NLGN1: variants seen among roughly 807,000 people sequenced by gnomAD.
NLGN1 encodes neuroligin 1.
A neutral mutation model predicts 65.5 loss-of-function variants in NLGN1; 12 were observed. The observed-to-expected ratio is 0.18, with a 90% CI of 0.12 to 0.30. NLGN1 has a LOEUF of 0.30. Ranked by LOEUF, NLGN1 falls within the 10% of genes least tolerant of loss-of-function variation. The pLI, the probability that NLGN1 is intolerant of heterozygous loss-of-function variation, is 1.00. For missense variants in NLGN1, 750 were observed against 1,007.1 expected (o/e 0.74, Z 3.46); for synonymous variants, 350 against 359.5 (o/e 0.97, Z 0.30).
chr3:174,230,974 A>G (rs1740598005), intron 4 of NLGN1, among the ~76,000 whole-genome samples: 1 of 152,136 alleles, frequency 6.6e-6, no homozygotes, highest in African/African-American at 2.4e-5. Flanking sequence ...AAGGCAGTCT[A>G]GTCCTCAGGC....
chr3:173,790,516 T>G (rs563987102), intron 3 of NLGN1, among the ~76,000 whole-genome samples: 1 of 152,286 alleles, frequency 6.6e-6, no homozygotes, highest in Non-Finnish European at 1.5e-5. Flanking sequence ...TACGAAAATT[T>G]TATTATGCAA....
chr3:173,582,643 T>C (rs1309408597), intron 2 of NLGN1, among the ~76,000 whole-genome samples: 4 of 152,112 alleles, frequency 2.6e-5, no homozygotes. Flanking sequence ...TTTCCTATTA[T>C]ATTTTTTATC....
At chr3:173,550,095 T>A (rs949466202) in intron 2 of NLGN1, among the ~76,000 whole-genome samples, 1 of 152,060 alleles carries the variant, frequency 6.6e-6, no homozygotes, top group Non-Finnish European at 1.5e-5. Context: ...ATTTTTAATA[T>A]CTCAATTGAA....
chr3:173,494,078 T>C (rs1034841989), intron 2 of NLGN1, among the ~76,000 whole-genome samples: 3 of 151,378 alleles, frequency 2.0e-5, no homozygotes, highest in African/African-American at 7.3e-5. Context: ...TGCCCTGTTT[T>C]TCCCATTCCT....
chr3:174,063,649 A>AG (rs969992685), intron 4 of NLGN1, among the ~76,000 whole-genome samples: 18 of 140,666 alleles, frequency 1.3e-4, no homozygotes, highest in African/African-American at 5.2e-4. Context: ...CAACTAGCTT[A>AG]GCAAAAATGG....
intron 1 of NLGN1, among the ~76,000 whole-genome samples, chr3:173,423,958 A>G (rs2148708726): frequency 6.6e-6 from 1 of 152,204 alleles, no homozygotes; most frequent in Middle Eastern, 3.4e-3. Context: ...CTGGACATCG[A>G]GGCATTTTTA....
intron 4 of NLGN1, among the ~76,000 whole-genome samples, chr3:173,839,781 C>CT (rs1295442162): frequency 6.6e-6 from 1 of 152,088 alleles, no homozygotes; most frequent in African/African-American, 2.4e-5. Flanking sequence ...GCCTATAATG[C>CT]TTAAAGCACT....
At chr3:174,102,490 C>T (rs1712765322) in intron 4 of NLGN1, among the ~76,000 whole-genome samples, 1 of 152,008 alleles carries the variant, frequency 6.6e-6, no homozygotes, top group Non-Finnish European at 1.5e-5. Flanking sequence ...GCAGATAACA[C>T]AATCAACCTT....
At chr3:174,077,794 T>A (rs1741327569) in intron 4 of NLGN1, among the ~76,000 whole-genome samples, 1 of 152,108 alleles carries the variant, frequency 6.6e-6, no homozygotes, top group African/African-American at 2.4e-5. Context: ...GACCTCATGA[T>A]CTGCTGGCCT....
At chr3:173,925,077 A>G (rs1250493989) in intron 4 of NLGN1, among the ~76,000 whole-genome samples, 1 of 152,154 alleles carries the variant, frequency 6.6e-6, no homozygotes, top group Non-Finnish European at 1.5e-5. Flanking sequence ...TGAAACACAA[A>G]ATGGATCAAA....
chr3:173,939,450 C>T (rs1745607224), intron 4 of NLGN1, among the ~76,000 whole-genome samples: 1 of 152,016 alleles, frequency 6.6e-6, no homozygotes, highest in Non-Finnish European at 1.5e-5. Flanking sequence ...CAACAGGTTC[C>T]CTGGACAGCA....
chr3:174,136,370 C>G (rs187313165), intron 4 of NLGN1: 2 of 151,980 alleles, frequency 1.3e-5, no homozygotes, highest in Non-Finnish European at 2.9e-5. Flanking sequence ...TAAACTGATA[C>G]GCTTCAGTAT....
intron 3 of NLGN1, among the ~76,000 whole-genome samples, chr3:173,769,297 A>G (rs1453836846): frequency 6.6e-6 from 1 of 152,146 alleles, no homozygotes; most frequent in Non-Finnish European, 1.5e-5. Context: ...GCTAATTAAC[A>G]TGGTTTACAA....
chr3:173,679,897 T>C (rs1434946357), intron 3 of NLGN1, among the ~76,000 whole-genome samples: 1 of 152,122 alleles, frequency 6.6e-6, no homozygotes, highest in African/African-American at 2.4e-5. Flanking sequence ...GAATATGGCA[T>C]GTTTTATGAT....
At chr3:174,143,301 G>T (rs556284643) in intron 4 of NLGN1, among the ~76,000 whole-genome samples, 3 of 152,214 alleles carry the variant, frequency 2.0e-5, no homozygotes, top group Non-Finnish European at 4.4e-5. Context: ...AGGAAGACAA[G>T]TGAAGCCACT....
intron 3 of NLGN1, among the ~76,000 whole-genome samples, chr3:173,676,684 A>ACACTG (rs1157708246): frequency 6.6e-6 from 1 of 152,124 alleles, no homozygotes; most frequent in Admixed American, 6.6e-5. Flanking sequence ...TAGTTGCTGC[A>ACACTG]CACTGGAAAT....
chr3:173,742,300 A>C (rs1370040033), intron 3 of NLGN1, among the ~76,000 whole-genome samples: 1 of 152,118 alleles, frequency 6.6e-6, no homozygotes, highest in African/African-American at 2.4e-5. Flanking sequence ...TTCTCTTTTA[A>C]TATTAGGGCT....
In NLGN1 at chr3:173,507,304, C is replaced by T. The variant is rs141761308; in HGVS notation, c.-321+72226C>T. 3.6e-3 allele frequency among the ~76,000 whole-genome samples: 543 copies of T among 151,860 alleles called. 1 individual carries two copies. Among genetic ancestry groups the T allele is most frequent in the African/African-American group, 0.012 (503 of 41,448 alleles). On this transcript the variant is annotated intron_variant, in intron 2 of 6. Coordinates refer to ENST00000457714, the Ensembl canonical transcript of NLGN1. ...TCACACTGAGAGTGGAGGAATTGGTCGAGGAATCTTTTCATGGTTTGTAAA... is the reference window on the plus strand; with the variant it reads ...TCACACTGAGAGTGGAGGAATTGGTTGAGGAATCTTTTCATGGTTTGTAAA...
intron 1 of NLGN1, among the ~76,000 whole-genome samples, chr3:173,423,711 C>G (rs1269006306): frequency 6.6e-6 from 1 of 152,156 alleles, no homozygotes; most frequent in Non-Finnish European, 1.5e-5. Context: ...CTGCAGGGTA[C>G]AACCCCTGTG....
Sources: gnomAD v4.1 joint callset for allele counts (sites outside exome capture counted in the v4.1 genomes callset) on GRCh38, gnomAD v4.1.1 for gene constraint, MANE v1.5 for transcripts, NCBI Gene and HGNC (gene_info 2026-07-23, HGNC 2026-07-21) for gene names.